GXYLT2: variants seen among roughly 807,000 people sequenced by gnomAD.
GXYLT2 encodes the protein glycosyltransferase 8 domain containing 4.
A neutral mutation model predicts 45.8 loss-of-function variants in GXYLT2; 53 were observed. The observed-to-expected ratio is 1.16, with a 90% confidence interval of 0.93 to 1.46. The LOEUF is 1.46. Ranked by LOEUF, GXYLT2 falls within the 40% of genes most tolerant of loss-of-function variation. The pLI, the probability that GXYLT2 is intolerant of heterozygous loss-of-function variation, is 0.00. For synonymous variants in GXYLT2, 219 were observed against 214.2 expected, an observed-to-expected ratio of 1.02 and a Z score of -0.19; for missense variants, 551 against 544.4, an observed-to-expected ratio of 1.01 and a Z score of -0.12.
At chr3:72,945,555 GTCGGGTGGTAT>G (rs1710387576) in intron 3 of GXYLT2, among the ~76,000 whole-genome samples, 1 of 152,228 alleles carries the variant, frequency 6.6e-6, no homozygotes, top group Non-Finnish European at 1.5e-5. Context: ...AAGGAAGGAA[GTCGGGTGGTAT>G]GATGAAGAGA....
intron 3 of GXYLT2, among the ~76,000 whole-genome samples, chr3:72,950,290 G>A (rs1394220291): frequency 6.6e-6 from 1 of 151,850 alleles, no homozygotes; most frequent in East Asian, 1.9e-4. Flanking sequence ...GTGAAACCTC[G>A]TCTCTAATAA....
chr3:72,912,521 T>C (rs2107086523), intron 2 of GXYLT2, among the ~76,000 whole-genome samples: 1 of 152,340 alleles, frequency 6.6e-6, no homozygotes, highest in South Asian at 2.1e-4. Flanking sequence ...TACATATATA[T>C]GTACATACAC....
At chr3:72,957,595 T>C (rs921158652) in intron 5 of GXYLT2, among the ~76,000 whole-genome samples, 1 of 152,186 alleles carries the variant, frequency 6.6e-6, no homozygotes, top group Admixed American at 6.5e-5. Flanking sequence ...TTAGAGAGTA[T>C]CTTTTAGGTT....
At chr3:72,955,014 C>T in intron 3 of GXYLT2, 84 bp from the exon 4 acceptor site, 3 of 1,408,854 alleles carry the variant, frequency 2.1e-6, no homozygotes, top group Admixed American at 2.1e-5. Context: ...ATTTACCTAT[C>T]AGGCTACTTC....
chr3:72,901,418 C>A (rs961582452), intron 1 of GXYLT2, among the ~76,000 whole-genome samples: 1 of 150,750 alleles, frequency 6.6e-6, no homozygotes, highest in Non-Finnish European at 1.5e-5. Flanking sequence ...AAGCCAAGAT[C>A]GCACCACTGC....
At chr3:72,939,863 G>A (rs1252411054) in intron 3 of GXYLT2, among the ~76,000 whole-genome samples, 1 of 151,950 alleles carries the variant, frequency 6.6e-6, no homozygotes, top group Non-Finnish European at 1.5e-5. Context: ...TGTATTTTTT[G>A]TAGAGATAAG....
chr3:72,907,255 A>G (rs1210903514), intron 1 of GXYLT2, among the ~76,000 whole-genome samples: 1 of 152,224 alleles, frequency 6.6e-6, no homozygotes, highest in East Asian at 1.9e-4. Flanking sequence ...GCATGCTCAT[A>G]AGTAATCAAA....
At chr3:72,900,108 C>A (rs538564429) in intron 1 of GXYLT2, among the ~76,000 whole-genome samples, 1 of 152,190 alleles carries the variant, frequency 6.6e-6, no homozygotes, top group African/African-American at 2.4e-5. Context: ...CAATTACTCA[C>A]TTTAATAATT....
Position 72,908,411 on chromosome 3 carries a change from A to C in GXYLT2, c.320A>C (p.Glu107Ala), listed in dbSNP as rs1035083013. 4.3e-6 allele frequency: 7 copies of C among 1,613,518 alleles called. No individual in the cohort carries two copies. The Middle Eastern group carries it at 4.9e-4, about 114-fold the overall frequency. Reference protein sequence around the residue: ...PRSFQAVLPPELWIHLAVVAC... With the variant: ...PRSFQAVLPPALWIHLAVVAC... ...AGTTTCCAAGCTGTGCTGCCACCCGAGCTCTGGATCCACCTGGCTGTGGTG... is the reference window on the plus strand; with the variant it reads ...AGTTTCCAAGCTGTGCTGCCACCCGCGCTCTGGATCCACCTGGCTGTGGTG... Residue 107 changes from glutamate (E) to alanine (A), a missense_variant, in exon 2 of 7, where the codon GAG becomes GCG. Transcript: ENST00000389617.
chr3:72,915,980 G>A lies in GXYLT2; in HGVS notation c.469-6224G>A, dbSNP rs570413985. On this transcript the variant is annotated intron_variant, in intron 2 of 6. Transcript: ENST00000389617. ...GTGTGGTCCTTGTTGTCTTACCTTC[G>A]TGGTCATTATTAGATGCATGGTCCA... is the stretch of plus-strand genomic sequence containing the variant. 3.9e-5 allele frequency among the ~76,000 whole-genome samples: 6 copies of A among 152,060 alleles called. No homozygotes were observed. In the East Asian group the frequency reaches 7.7e-4, roughly 20 times the overall value.
intron 3 of GXYLT2, among the ~76,000 whole-genome samples, chr3:72,922,640 T>A (rs1265206393): frequency 6.6e-6 from 1 of 152,166 alleles, no homozygotes; most frequent in East Asian, 1.9e-4. Context: ...TAACTTCAGT[T>A]TTATCCATAG....
rs1709773608 is a variant in GXYLT2, at chr3:72,918,250, T to C, written c.469-3954T>C. On this transcript the variant is annotated intron_variant, in intron 2 of 6. Coordinates refer to ENST00000389617, the MANE Select transcript of GXYLT2 (RefSeq NM_001080393.2). ...TTTAGAATGCCAAACCATTGTTGGC[T>C]TGTGTACTCTTTGTGGCAGGCTAGA... is the stretch of plus-strand genomic sequence containing the variant. Among the ~76,000 whole-genome samples the C allele has an allele frequency of 2.0e-5, 3 of 152,218 alleles. No homozygotes were observed. In the South Asian group the frequency reaches 6.2e-4, roughly 31 times the overall value.
At chr3:72,932,934 C>A (rs920209727) in intron 3 of GXYLT2, among the ~76,000 whole-genome samples, 5 of 152,170 alleles carry the variant, frequency 3.3e-5, no homozygotes, top group Non-Finnish European at 7.4e-5. Flanking sequence ...CTACCACTTA[C>A]CACTTTGTAA....
chr3:72,936,348 G>A (rs1379778328), intron 3 of GXYLT2, among the ~76,000 whole-genome samples: 1 of 147,888 alleles, frequency 6.8e-6, no homozygotes, highest in African/African-American at 2.5e-5. Flanking sequence ...AGTCGTGGAA[G>A]AAACTTTAAT....
intron 3 of GXYLT2, among the ~76,000 whole-genome samples, chr3:72,941,428 C>T (rs1710296729): frequency 6.6e-6 from 1 of 152,078 alleles, no homozygotes; most frequent in African/African-American, 2.4e-5. Flanking sequence ...TATTCCAAGT[C>T]ATGAATTTCC....
At chr3:72,955,952 C>G (rs1182744116) in intron 4 of GXYLT2, among the ~76,000 whole-genome samples, 1 of 152,174 alleles carries the variant, frequency 6.6e-6, no homozygotes, top group Non-Finnish European at 1.5e-5. Context: ...ATGGCGCACA[C>G]CTGTAGTCCT....
intron 1 of GXYLT2, among the ~76,000 whole-genome samples, chr3:72,900,883 G>T (rs572447478): frequency 2.0e-5 from 3 of 152,090 alleles, no homozygotes; most frequent in African/African-American, 7.2e-5. Flanking sequence ...GCCCAGGTAC[G>T]GTGGCTCACG....
At chr3:72,962,515 A>G (rs1035906719) in intron 5 of GXYLT2, among the ~76,000 whole-genome samples, 2 of 152,178 alleles carry the variant, frequency 1.3e-5, no homozygotes, top group Non-Finnish European at 2.9e-5. Flanking sequence ...GAAGTTCAGG[A>G]GAGAAAGGAG....
intron 1 of GXYLT2, among the ~76,000 whole-genome samples, chr3:72,906,455 T>G (rs527901883): frequency 1.3e-5 from 2 of 152,300 alleles, no homozygotes; most frequent in Non-Finnish European, 2.9e-5. Flanking sequence ...CCCATCCTGC[T>G]TCACTATGTA....
Sources: allele counts gnomAD v4.1 joint callset (sites outside exome capture counted in the v4.1 genomes callset), GRCh38; gene constraint gnomAD v4.1.1; transcripts MANE v1.5; gene names NCBI Gene and HGNC (gene_info 2026-07-23, HGNC 2026-07-21).